DAPK1: variants seen among roughly 807,000 people sequenced by gnomAD.
DAPK1 encodes the protein death-associated protein kinase 1.
DAPK1 carries 56 observed loss-of-function variants against 144.9 expected under a neutral mutation model. The observed-to-expected ratio is 0.39, with a 90% CI of 0.31 to 0.48. The LOEUF (loss-of-function observed/expected upper bound fraction) is 0.48. DAPK1 is among the 20% of genes least tolerant of loss of function. DAPK1 has a pLI of 0.95. For synonymous variants in DAPK1, 690 were observed against 749.0 expected (o/e 0.92, Z 1.29); for missense variants, 1,454 against 1,875.4 (o/e 0.78, Z 4.15).
chr9:87,651,947 G>C (rs7869737), intron 17 of DAPK1, among the ~76,000 whole-genome samples: 1 of 72,198 alleles, frequency 1.4e-5, no homozygotes, highest in South Asian at 4.6e-4. Flanking sequence ...ACCTGATCCC[G>C]GGTCCTGATT....
intron 11 of DAPK1, among the ~76,000 whole-genome samples, chr9:87,645,020 A>G (rs991048293): frequency 1.3e-5 from 2 of 152,240 alleles, no homozygotes; most frequent in African/African-American, 4.8e-5. Flanking sequence ...ATTCAGATCT[A>G]TAGAGAAGAG....
At chr9:87,558,374 C>T (rs898881904) in intron 2 of DAPK1, among the ~76,000 whole-genome samples, 8 of 152,190 alleles carry the variant, frequency 5.3e-5, no homozygotes, top group East Asian at 1.9e-4. Flanking sequence ...CACAGATCAA[C>T]GGGACAGAAT....
chr9:87,498,356 C>G (rs1397715894), intron 1 of DAPK1, among the ~76,000 whole-genome samples: 2 of 152,146 alleles, frequency 1.3e-5, no homozygotes, highest in Non-Finnish European at 2.9e-5. Context: ...GGATCTGGAG[C>G]GAACTGCTGC....
chr9:87,640,673 GT>G, intron 8 of DAPK1, 128 bp from the exon 9 acceptor site: 3 of 1,117,822 alleles, frequency 2.7e-6, no homozygotes, highest in Non-Finnish European at 1.4e-6. Context: ...GACCGATGTT[GT>G]TTTTGGCTTT....
intron 3 of DAPK1, among the ~76,000 whole-genome samples, chr9:87,610,756 C>T (rs1366832875): frequency 6.6e-6 from 1 of 152,198 alleles, no homozygotes; most frequent in Non-Finnish European, 1.5e-5. Context: ...CCCGAAGGGA[C>T]AGCCACCAAT....
intron 2 of DAPK1, among the ~76,000 whole-genome samples, chr9:87,592,338 C>T (rs1313314316): frequency 6.6e-6 from 1 of 152,234 alleles, no homozygotes; most frequent in Non-Finnish European, 1.5e-5. Flanking sequence ...CCATTTCACC[C>T]CCTTCCCTGC....
intron 3 of DAPK1, among the ~76,000 whole-genome samples, chr9:87,616,600 A>G (rs1424174813): frequency 6.6e-6 from 1 of 152,206 alleles, no homozygotes; most frequent in Non-Finnish European, 1.5e-5. Context: ...CGGCCCACAC[A>G]AACAGGGAAA....
At chr9:87,568,307 A>G (rs768013324) in intron 2 of DAPK1, among the ~76,000 whole-genome samples, 1 of 152,222 alleles carries the variant, frequency 6.6e-6, no homozygotes, top group African/African-American at 2.4e-5. Context: ...TAAAATATTG[A>G]CAGTGGATTC....
At chr9:87,561,553 G>T (rs1327928282) in intron 2 of DAPK1, among the ~76,000 whole-genome samples, 2 of 151,978 alleles carry the variant, frequency 1.3e-5, no homozygotes, top group African/African-American at 4.8e-5. Flanking sequence ...CACCAAATAT[G>T]TTAGCCAGAG....
At chr9:87,638,508 T>C (rs2119125816) in intron 4 of DAPK1, among the ~76,000 whole-genome samples, 1 of 152,324 alleles carries the variant, frequency 6.6e-6, no homozygotes, top group Non-Finnish European at 1.5e-5. Context: ...ATTGGCTAAT[T>C]GGGGCATTTG....
chr9:87,651,343 C>T (rs902195398), intron 16 of DAPK1, among the ~76,000 whole-genome samples, 184 bp from the exon 17 acceptor site: 2 of 152,126 alleles, frequency 1.3e-5, no homozygotes, highest in East Asian at 3.9e-4. Flanking sequence ...TGTAAAGCTC[C>T]GCATCCTCCC....
chr9:87,508,895 G>A (rs1457723534), intron 2 of DAPK1, among the ~76,000 whole-genome samples: 1 of 152,212 alleles, frequency 6.6e-6, no homozygotes, highest in Non-Finnish European at 1.5e-5. Flanking sequence ...GTGGCGGAAG[G>A]ATACCATGGG....
chr9:87,688,172 A>T (rs1187163363), intron 21 of DAPK1, among the ~76,000 whole-genome samples: 2 of 138,786 alleles, frequency 1.4e-5, no homozygotes, highest in African/African-American at 5.4e-5. Context: ...GTACCCCCTT[A>T]TAAGTGAGAA....
rs745758328 is a variant in DAPK1 at position 87,706,841 on chromosome 9, T to G, written c.3770T>G (p.Phe1257Cys). 6.2e-7 allele frequency: 1 copy of G among 1,613,864 alleles called. No individual in the cohort carries two copies. Among genetic ancestry groups the G allele is most frequent in the South Asian group, 1.1e-5 (1 of 91,058 alleles). Reference protein sequence around the residue: ...EPVMIYQPRDFFRAQTLKETS... With the variant: ...EPVMIYQPRDCFRAQTLKETS... ...GTCATGATCTACCAGCCACGGGACTTCTTCCGGGCACAGACTCTGAAGGAA... is the reference window on the plus strand; with the variant it reads ...GTCATGATCTACCAGCCACGGGACTGCTTCCGGGCACAGACTCTGAAGGAA... The change falls in exon 26 of 26, where the codon TTC becomes TGC. Residue 1257 changes from phenylalanine (F) to cysteine (C), a missense_variant. This residue lies in a region of DAPK1 where 1,025 missense variants were observed against 1,237.9 expected (regional missense o/e 0.83). Transcript: ENST00000408954. The surrounding 1 kb of genome is among the most constrained non-coding windows in gnomAD (Gnocchi z 9.0).
chr9:87,637,910 T>A (rs1274720565), intron 3 of DAPK1, 33 bp from the exon 4 acceptor site: 1 of 1,607,674 alleles, frequency 6.2e-7, no homozygotes, highest in Admixed American at 1.7e-5. Flanking sequence ...GAAACAGAGT[T>A]GTTACCAATA....
intron 18 of DAPK1, among the ~76,000 whole-genome samples, chr9:87,664,513 T>G (rs1587825431): frequency 6.6e-6 from 1 of 152,156 alleles, no homozygotes; most frequent in Non-Finnish European, 1.5e-5. Context: ...AACATTCACC[T>G]CCAGCCCAGG....
chr9:87,642,964 T>G (rs988152827), intron 10 of DAPK1, among the ~76,000 whole-genome samples: 1 of 152,188 alleles, frequency 6.6e-6, no homozygotes, highest in African/African-American at 2.4e-5. Flanking sequence ...CTACCATCAC[T>G]GCTTATGTGG....
intron 8 of DAPK1, 67 bp downstream of exon 8, chr9:87,640,517 C>G (rs758354569): frequency 1.3e-5 from 20 of 1,519,178 alleles, no homozygotes; most frequent in Non-Finnish European, 1.7e-5. Flanking sequence ...TGTGTCTGTT[C>G]CATGCACAGG....
chr9:87,513,304 T>C (rs750173433), intron 2 of DAPK1, among the ~76,000 whole-genome samples: 7 of 152,244 alleles, frequency 4.6e-5, no homozygotes, highest in Non-Finnish European at 1.0e-4. Flanking sequence ...GACAGACTTT[T>C]GCACAACCAA....
Sources: gnomAD v4.1 joint callset for allele counts (sites outside exome capture counted in the v4.1 genomes callset) on GRCh38, gnomAD v4.1.1 for gene constraint, gnomAD v4.1.1 regional missense constraint, Gnocchi (gnomAD v3.1) non-coding constraint, MANE v1.5 for transcripts, NCBI Gene and HGNC (gene_info 2026-07-23, HGNC 2026-07-21) for gene names.